Variants in SOX13 observed in about 807,000 individuals in gnomAD.
The protein encoded by SOX13 is transcription factor SOX-13.
SOX13 carries 28 observed loss-of-function variants against 71.8 expected under a neutral mutation model. The ratio of observed to expected loss-of-function variants is 0.39; its 90% CI spans 0.29 to 0.53. The LOEUF (loss-of-function observed/expected upper bound fraction) is 0.53. SOX13 is among the 20% of genes least tolerant of loss of function. The probability of loss-of-function intolerance (pLI) is 0.70; values close to 1 mark genes in which losing one functional copy is unlikely to be tolerated. For missense variants in SOX13, 627 were observed against 810.3 expected, an observed-to-expected ratio of 0.77 and a Z score of 2.75; for synonymous variants, 309 against 317.8, an observed-to-expected ratio of 0.97 and a Z score of 0.29.
intron 1 of SOX13, among the ~76,000 whole-genome samples, chr1:204,110,225 C>T (rs1006460711): frequency 2.7e-5 from 4 of 149,978 alleles, no homozygotes; most frequent in African/African-American, 9.8e-5. Context: ...CTGCTGGCCT[C>T]AAGTGAATCC....
chr1:204,076,273 G>A (rs1469386261), intron 1 of SOX13, among the ~76,000 whole-genome samples: 2 of 152,206 alleles, frequency 1.3e-5, no homozygotes, highest in African/African-American at 4.8e-5. Flanking sequence ...GATTGGATGT[G>A]CATTTGTGTC....
chr1:204,125,916 G>C lies in SOX13; in HGVS notation c.1651G>C (p.Gly551Arg), dbSNP rs2102269794. 6.2e-7 allele frequency: 1 copy of C among 1,613,446 alleles called. No individual in the cohort carries two copies. The highest frequency in any genetic ancestry group is 2.2e-5 in the East Asian group (1 of 44,864). ...SSDVLYPRAA[G>R]MPLAQPLVEH... The stretch of plus-strand genomic sequence containing the variant: ...AGATGTCCTGTACCCTCGGGCAGCA[G>C]GCATGCCGCTGGCACAGCCACTGGT... Residue 551 changes from glycine to arginine, a missense_variant, in exon 14 of 14, where the codon GGC (glycine) becomes CGC (arginine). Transcript: ENST00000367204.
chr1:204,085,968 C>CAA (rs761848065), intron 1 of SOX13, among the ~76,000 whole-genome samples: 30 of 98,058 alleles, frequency 3.1e-4, no homozygotes, highest in African/African-American at 4.3e-4. Context: ...GACTCCGTCT[C>CAA]AAAAAAAAAA....
At chr1:204,093,924 T>C (rs937480360) in intron 1 of SOX13, among the ~76,000 whole-genome samples, 11 of 152,180 alleles carry the variant, frequency 7.2e-5, no homozygotes, top group Non-Finnish European at 1.3e-4. Context: ...GCAACACTAT[T>C]ATTTCCACTG....
At chr1:204,087,828 C>A (rs1392945279) in intron 1 of SOX13, among the ~76,000 whole-genome samples, 1 of 152,190 alleles carries the variant, frequency 6.6e-6, no homozygotes, top group African/African-American at 2.4e-5. Context: ...TCGGGTACCT[C>A]ATAAAACCTT....
chr1:204,116,121 C>T, intron 4 of SOX13: 1 of 1,188,078 alleles, frequency 8.4e-7, no homozygotes, highest in South Asian at 1.6e-5. Context: ...GACCCCAGAC[C>T]TGTCTTGCTT....
At chr1:204,075,130 G>A (rs925244463) in intron 1 of SOX13, among the ~76,000 whole-genome samples, 1 of 152,204 alleles carries the variant, frequency 6.6e-6, no homozygotes, top group Non-Finnish European at 1.5e-5. Flanking sequence ...TCAAAGATGG[G>A]TGCATAACTC....
At chr1:204,119,387 TTCACAGATGGCGTCTC>T (rs1656757242) in intron 7 of SOX13, 1 of 152,164 alleles carries the variant, frequency 6.6e-6, no homozygotes, top group African/African-American at 2.4e-5. Context: ...GACTTTCTGG[TTCACAGATGGCGTCTC>T]TCACTGTGTC....
intron 9 of SOX13, 146 bp from the exon 10 acceptor site, chr1:204,122,708 C>T (rs138264105): frequency 7.2e-5 from 45 of 625,340 alleles, no homozygotes; most frequent in Non-Finnish European, 1.1e-4. Context: ...GCAATGCAGC[C>T]GCCCTGTGGA....
At chr1:204,084,555 A>G (rs1655977294) in intron 1 of SOX13, among the ~76,000 whole-genome samples, 2 of 152,274 alleles carry the variant, frequency 1.3e-5, no homozygotes, top group African/African-American at 4.8e-5. Flanking sequence ...CCTAGCTGCC[A>G]GGGCTGCAGG....
At chr1:204,102,944 A>G (rs1656389545) in intron 1 of SOX13, among the ~76,000 whole-genome samples, 1 of 152,022 alleles carries the variant, frequency 6.6e-6, no homozygotes, top group South Asian at 2.1e-4. Flanking sequence ...CTGGGTCATC[A>G]CACCCACCCA....
At chr1:204,117,750 C>T (rs1318175092) in intron 7 of SOX13, 43 bp downstream of exon 7, 9 of 1,406,812 alleles carry the variant, frequency 6.4e-6, no homozygotes, top group Middle Eastern at 1.8e-4. Context: ...GCCAGCCTGT[C>T]CTGAGGTCAG....
At chr1:204,103,441 A>G (rs1011665410) in intron 1 of SOX13, among the ~76,000 whole-genome samples, 2 of 152,230 alleles carry the variant, frequency 1.3e-5, no homozygotes, top group African/African-American at 4.8e-5. Flanking sequence ...CTGGGCCCTC[A>G]GTAGGACGTT....
Position 204,108,994 on chromosome 1 carries a change from G to A in SOX13, c.-1-3921G>A, listed in dbSNP as rs185091506. On this transcript the variant is annotated intron_variant, in intron 1 of 13. Transcript: ENST00000367204. ...TCAGGATAAAACCCCCTCCCCAACT[G>A]CACCCACTCCCACTTCTCGCCCCCC... Among the ~76,000 whole-genome samples the A allele has an allele frequency of 4.7e-3, 715 of 152,278 alleles. 4 individuals carry two copies. The highest frequency in any genetic ancestry group is 0.016 in the African/African-American group (666 of 41,558).
At chr1:204,096,386 A>G (rs1448559393) in intron 1 of SOX13, among the ~76,000 whole-genome samples, 1 of 151,340 alleles carries the variant, frequency 6.6e-6, no homozygotes, top group Non-Finnish European at 1.5e-5. Context: ...ACCACAGTGT[A>G]TGCCACCATG....
At chr1:204,121,572 C>T (rs1222330671) in intron 7 of SOX13, among the ~76,000 whole-genome samples, 2 of 151,996 alleles carry the variant, frequency 1.3e-5, no homozygotes, top group African/African-American at 2.4e-5. Context: ...CCAGTAGGTA[C>T]AAAATAAAAG....
intron 1 of SOX13, among the ~76,000 whole-genome samples, chr1:204,099,665 G>A (rs911379183): frequency 6.6e-6 from 1 of 151,764 alleles, no homozygotes; most frequent in African/African-American, 2.4e-5. Context: ...CTCCCACTTC[G>A]GCCTCCCAAA....
Position 204,123,790 on chromosome 1 carries a change from TCAG to T in SOX13, c.1364_1366del (p.Ser455del). Reference sequence around the variant, plus strand: ...TTCCCAGACATGCACAACTCCAGCATCAGCAAGATCCTTGGTAAGGGCCAGTGG... The same window carrying T: ...TTCCCAGACATGCACAACTCCAGCATCAAGATCCTTGGTAAGGGCCAGTGG... On this transcript the variant is annotated inframe_deletion, in exon 12 of 14. Transcript: ENST00000367204. This position sits in a 1 kb window ranked among gnomAD's most constrained non-coding sequence, Gnocchi z 5.0. 1 of 1,614,176 alleles carries T rather than the reference TCAG, an allele frequency of 6.2e-7. No homozygotes were observed. The highest frequency in any genetic ancestry group is 8.5e-7 in the Non-Finnish European group (1 of 1,180,006).
Position 204,123,249 on chromosome 1 carries a change from A to T in SOX13, c.1231+41A>T, listed in dbSNP as rs773707604. The stretch of plus-strand genomic sequence containing the variant: ...CAGGGCTGATGCGCAGGAGGGCCCA[A>T]CTCTGTATTCCACCAGGGCCAGGGC... On this transcript the variant is annotated intron_variant, in intron 11 of 13. Transcript: ENST00000367204. The surrounding 1 kb of genome is among the most constrained non-coding windows in gnomAD (Gnocchi z 5.0). The T allele has an allele frequency of 6.7e-7, 1 of 1,487,350 alleles. No individual in the cohort carries two copies. The allele number at this position is 1,487,350 out of a possible 1,614,324, so 92.1% of individuals were successfully genotyped here.
Sources: allele counts gnomAD v4.1 joint callset (sites outside exome capture counted in the v4.1 genomes callset), GRCh38; gene constraint gnomAD v4.1.1; non-coding constraint Gnocchi (gnomAD v3.1); transcripts MANE v1.5; gene names NCBI Gene and HGNC (gene_info 2026-07-23, HGNC 2026-07-21).